HCN4: variants seen among roughly 807,000 people sequenced by gnomAD.
HCN4 encodes hyperpolarization activated cyclic nucleotide gated potassium channel 4.
HCN4 carries 29 observed loss-of-function variants against 76.9 expected under a neutral mutation model. The ratio of observed to expected loss-of-function variants is 0.38; its 90% CI spans 0.28 to 0.51. The LOEUF (loss-of-function observed/expected upper bound fraction) is 0.51. HCN4 is among the 20% of genes least tolerant of loss of function. The pLI is 0.90. For missense variants in HCN4, 1,416 were observed against 1,715.2 expected (o/e 0.83, Z 3.08); for synonymous variants, 772 against 762.5 (o/e 1.01, Z -0.21).
intron 1 of HCN4, among the ~76,000 whole-genome samples, chr15:73,360,324 T>A (rs1372553925): frequency 6.6e-6 from 1 of 152,160 alleles, no homozygotes; most frequent in East Asian, 1.9e-4. Context: ...TGGTTTCGCC[T>A]CTGACATACT....
intron 1 of HCN4, among the ~76,000 whole-genome samples, chr15:73,356,048 G>A (rs1278976403): frequency 6.6e-6 from 1 of 152,188 alleles, no homozygotes; most frequent in Non-Finnish European, 1.5e-5. Flanking sequence ...GAGTAGCACG[G>A]GAGCACACCC....
chr15:73,364,992 G>A (rs1056207918), intron 1 of HCN4, among the ~76,000 whole-genome samples: 4 of 152,222 alleles, frequency 2.6e-5, no homozygotes, highest in Non-Finnish European at 4.4e-5. Context: ...TCAAAATGAT[G>A]AATAAATCCT....
chr15:73,326,866 A>T (rs1282242911), intron 4 of HCN4, among the ~76,000 whole-genome samples: 1 of 150,552 alleles, frequency 6.6e-6, no homozygotes, highest in Non-Finnish European at 1.5e-5. Context: ...AGCTCACTGC[A>T]GCCTCAACCT....
chr15:73,323,176 C>T lies in HCN4; in HGVS notation c.2917G>A (p.Gly973Arg), dbSNP rs200495478. The change falls in exon 8 of 8, where the codon GGG (glycine) becomes AGG (arginine). Residue 973 changes from glycine (G) to arginine (R), a missense_variant. By Grantham distance (125) the Gly-to-Arg change is moderately radical (BLOSUM62 -2). This residue lies in a region of HCN4 where 633 missense variants were observed against 579.8 expected (regional missense o/e 1.09). Coordinates refer to ENST00000261917, the MANE Select transcript of HCN4 (RefSeq NM_005477.3). ...PSSRSPSSSP[G>R]QLGQPPGELS... ...TCCCCGGGAGGCTGGCCCAGCTGCC[C>T]GGGGCTAGATGACGGGGATCTGGAT... 1.5e-4 allele frequency: 226 copies of T among 1,554,500 alleles called. No individual in the cohort carries two copies. The highest frequency in any genetic ancestry group is 1.8e-4 in the Non-Finnish European group (205 of 1,152,632).
At chr15:73,353,736 C>T (rs2043065376) in intron 1 of HCN4, among the ~76,000 whole-genome samples, 1 of 152,132 alleles carries the variant, frequency 6.6e-6, no homozygotes, top group African/African-American at 2.4e-5. Context: ...GAGCAGGAGT[C>T]CTCCCTGCCT....
At chr15:73,337,845 TCTC>T (rs1293378714) in intron 2 of HCN4, among the ~76,000 whole-genome samples, 1 of 152,062 alleles carries the variant, frequency 6.6e-6, no homozygotes, top group Non-Finnish European at 1.5e-5. Context: ...CAAGGTGCCT[TCTC>T]CTGCAGGGGA....
intron 1 of HCN4, among the ~76,000 whole-genome samples, chr15:73,348,793 C>T (rs903336023): frequency 2.6e-5 from 4 of 152,164 alleles, no homozygotes; most frequent in Non-Finnish European, 4.4e-5. Flanking sequence ...CACTCAGTGC[C>T]CCATCTGTTA....
chr15:73,325,102 G>A lies in HCN4; in HGVS notation c.1831C>T (p.Leu611=). 1 of 1,614,238 alleles carries A rather than the reference G, an allele frequency of 6.2e-7. No homozygotes were observed. Among genetic ancestry groups the A allele is most frequent in the Non-Finnish European group, 8.5e-7 (1 of 1,180,046 alleles). The part of the protein sequence containing the change: ...PNFVTSMLTK[L]RFEVFQPGDY... ...CCAGGCTGGAAGACCTCGAAACGCA[G>A]CTTGGTCAGCATGGACGTCACGAAG... Residue 611 remains leucine (L), a synonymous_variant, in exon 6 of 8, where the codon CTG becomes TTG. Coordinates refer to ENST00000261917, the MANE Select transcript of HCN4 (RefSeq NM_005477.3). This position sits in a 1 kb window ranked among gnomAD's most constrained non-coding sequence, Gnocchi z 7.4.
At chr15:73,353,269 A>G (rs2043063073) in intron 1 of HCN4, among the ~76,000 whole-genome samples, 1 of 152,198 alleles carries the variant, frequency 6.6e-6, no homozygotes, top group Non-Finnish European at 1.5e-5. Flanking sequence ...AACAATGGCC[A>G]GCGCCCTGTG....
chr15:73,353,825 C>G lies in HCN4; in HGVS notation c.786-10017G>C, dbSNP rs1195286867. Reference sequence around the variant, plus strand: ...CCTCCCACAGCCTTCTTGAGCCAGGCTGGGTGCTCAGCTCAGGTCTCTGGA... The same window carrying G: ...CCTCCCACAGCCTTCTTGAGCCAGGGTGGGTGCTCAGCTCAGGTCTCTGGA... On this transcript the variant is annotated intron_variant, in intron 1 of 7. Transcript: ENST00000261917. 5.9e-5 allele frequency among the ~76,000 whole-genome samples: 9 copies of G among 152,198 alleles called. 1 individual carries two copies. Among genetic ancestry groups the G allele is most frequent in the Non-Finnish European group, 1.2e-4 (8 of 68,050 alleles).
rs773182851 is a variant in HCN4, at chr15:73,325,281, G to A, written c.1737+17C>T. 1.9e-6 allele frequency: 3 copies of A among 1,614,142 alleles called. No individual in the cohort carries two copies. In the South Asian group the frequency reaches 3.3e-5, roughly 18 times the overall value. On this transcript the variant is annotated intron_variant, in intron 5 of 7. Coordinates refer to ENST00000261917, the MANE Select transcript of HCN4 (RefSeq NM_005477.3). The surrounding 1 kb of genome is among the most constrained non-coding windows in gnomAD (Gnocchi z 7.4). Reference sequence around the variant, plus strand: ...AAGGCCTGGCTCCCCTCCACGCCGGGCCGCCACACAGCTCACCTCCCGCAG... The same window carrying A: ...AAGGCCTGGCTCCCCTCCACGCCGGACCGCCACACAGCTCACCTCCCGCAG...
At chr15:73,333,426 C>T (rs1384622177) in intron 2 of HCN4, among the ~76,000 whole-genome samples, 2 of 152,196 alleles carry the variant, frequency 1.3e-5, no homozygotes, top group Non-Finnish European at 2.9e-5. Context: ...CTAGTTTAAG[C>T]CCATTTCAGA....
chr15:73,325,579 T>C lies in HCN4; in HGVS notation c.1591-135A>G. The C allele has an allele frequency of 1.1e-6, 1 of 877,650 alleles. No individual in the cohort carries two copies. The highest frequency in any genetic ancestry group is 1.4e-5 in the South Asian group (1 of 70,100). The allele number at this position is 877,650 out of a possible 1,614,324, so 54.4% of individuals were successfully genotyped here. On this transcript the variant is annotated intron_variant, in intron 4 of 7. Transcript: ENST00000261917. This position sits in a 1 kb window ranked among gnomAD's most constrained non-coding sequence, Gnocchi z 7.4. The stretch of plus-strand genomic sequence containing the variant: ...TGGCTAAACTTGGTTCCTTGAGATC[T>C]GAGGTCTACAGTGTGGAAATGACCT...
intron 1 of HCN4, among the ~76,000 whole-genome samples, chr15:73,362,702 T>C (rs1050017632): frequency 1.3e-5 from 2 of 152,124 alleles, no homozygotes; most frequent in African/African-American, 4.8e-5. Context: ...GTCAGCACAG[T>C]TGGAAACTCC....
rs2043139851 is a variant in HCN4, at chr15:73,368,262, C to A, written c.9G>T (p.Lys3Asn). Residue 3 changes from lysine (K) to asparagine (N), a missense_variant, in exon 1 of 8, where the codon AAG becomes AAT. Transcript: ENST00000261917. The surrounding 1 kb of genome is among the most constrained non-coding windows in gnomAD (Gnocchi z 6.9). ...GCCGCTTGCGCATGGACGGCGGCAG[C>A]TTGTCCATGGCGCCAGGGGCCGGGG... MDKLPPSMRKRLY... is the reference protein window; with the variant it reads MDNLPPSMRKRLY... 6.7e-7 allele frequency: 1 copy of A among 1,492,740 alleles called. No individual in the cohort carries two copies. Among genetic ancestry groups the A allele is most frequent in the Non-Finnish European group, 8.9e-7 (1 of 1,125,032 alleles). The allele number at this position is 1,492,740 out of a possible 1,614,324, so 92.5% of individuals were successfully genotyped here.
chr15:73,339,045 C>T lies in HCN4; in HGVS notation c.1209+4340G>A, dbSNP rs116787016. ...ACAGCAGCCCCAGCTGGCCTTCTGC[C>T]TCCAGCCCCTCTTTGGCCACTTCAG... is the stretch of plus-strand genomic sequence containing the variant. On this transcript the variant is annotated intron_variant, in intron 2 of 7. Transcript: ENST00000261917. Among the ~76,000 whole-genome samples the T allele has an allele frequency of 5.1e-3, 775 of 152,372 alleles. 5 individuals carry two copies. The highest frequency in any genetic ancestry group is 0.017 in the African/African-American group (707 of 41,584).
chr15:73,336,848 C>T (rs2042969073), intron 2 of HCN4, among the ~76,000 whole-genome samples: 1 of 152,196 alleles, frequency 6.6e-6, no homozygotes, highest in South Asian at 2.1e-4. Context: ...ATAAATCAGA[C>T]CATGTCACTC....
In HCN4 at chr15:73,332,136, T is replaced by C; in HGVS notation, c.1366A>G (p.Met456Val). 6.2e-7 allele frequency: 1 copy of C among 1,613,596 alleles called. No homozygotes were observed. Among genetic ancestry groups the C allele is most frequent in the Non-Finnish European group, 8.5e-7 (1 of 1,179,822 alleles). Residue 456 changes from methionine to valine, a missense_variant, in exon 3 of 8, where the codon ATG becomes GTG. Physicochemically the swap from Met to Val is conservative, Grantham distance 21. Transcript: ENST00000261917. ...PDDCWVSINN[M>V]VNNSWGKQYS... ...ACCGGGCTGGGCGCACTCACCACCA[T>C]GTTGTTGATGGACACCCAGCAGTCG...
intron 1 of HCN4, among the ~76,000 whole-genome samples, chr15:73,350,073 G>C (rs985566645): frequency 1.3e-5 from 2 of 152,130 alleles, no homozygotes; most frequent in African/African-American, 4.8e-5. Flanking sequence ...CAGTCCTCTT[G>C]TACACCCTGC....
Sources: gnomAD v4.1 joint callset for allele counts (sites outside exome capture counted in the v4.1 genomes callset) on GRCh38, gnomAD v4.1.1 for gene constraint, gnomAD v4.1.1 regional missense constraint, Gnocchi (gnomAD v3.1) non-coding constraint, MANE v1.5 for transcripts, NCBI Gene and HGNC (gene_info 2026-07-23, HGNC 2026-07-21) for gene names.